GIGYF1: variants seen among roughly 807,000 people sequenced by gnomAD.
The protein encoded by GIGYF1 is GRB10 interacting GYF protein 1, also known as GRB10-interacting GYF protein 1.
GIGYF1 carries 84 observed loss-of-function variants against 147.1 expected under a neutral mutation model. The observed-to-expected ratio is 0.57, with a 90% CI of 0.48 to 0.68. The LOEUF (loss-of-function observed/expected upper bound fraction) is 0.68. Ranked by LOEUF, GIGYF1 falls within the 30% of genes least tolerant of loss-of-function variation. The pLI is 0.00. For synonymous variants in GIGYF1, 752 were observed against 589.5 expected (o/e 1.28, Z -3.99); for missense variants, 1,485 against 1,393.7 (o/e 1.07, Z -1.04).
rs1258565441 is a variant in GIGYF1, at chr7:100,683,911, C to A, written c.1876G>T (p.Asp626Tyr). Residue 626 changes from aspartate (D) to tyrosine (Y), a missense_variant, in exon 19 of 27, where the codon GAC becomes TAC. Transcript: ENST00000678049. Reference sequence around the variant, plus strand: ...CTCATCGTCGGGAGCAGGTTCTGGTCCCCGCCTCTGAGGAGCAAATTGTGG... The same window carrying A: ...CTCATCGTCGGGAGCAGGTTCTGGTACCCGCCTCTGAGGAGCAAATTGTGG... The part of the protein sequence containing the change: ...LQALKPPRGG[D>Y]QNLLPTMSRS... 1.9e-6 allele frequency: 3 copies of A among 1,555,090 alleles called. No homozygotes were observed. The highest frequency in any genetic ancestry group is 3.9e-5 in the Admixed American group (2 of 51,106).
In GIGYF1 at chr7:100,694,248, A is replaced by G. The variant is rs1806073038; in HGVS notation, c.-1237T>C. On this transcript the variant is annotated 5_prime_UTR_variant, in exon 1 of 27. Coordinates refer to ENST00000678049, the MANE Select transcript of GIGYF1 (RefSeq NM_001375765.1). ...GCCGCTCCTCTGTGTTTGTGTTTGTAGCAAGATGGCTGCCCGCCTCGCACC... is the reference window on the plus strand; with the variant it reads ...GCCGCTCCTCTGTGTTTGTGTTTGTGGCAAGATGGCTGCCCGCCTCGCACC... Among the ~76,000 whole-genome samples the G allele has an allele frequency of 6.9e-6, 1 of 145,112 alleles. No homozygotes were observed. Among genetic ancestry groups the G allele is most frequent in the Non-Finnish European group, 1.5e-5 (1 of 65,414 alleles).
chr7:100,683,898 A>G lies in GIGYF1; in HGVS notation c.1889T>C (p.Leu630Pro). 1 of 1,555,130 alleles carries G rather than the reference A, an allele frequency of 6.4e-7. No homozygotes were observed. The highest frequency in any genetic ancestry group is 8.7e-7 in the Non-Finnish European group (1 of 1,149,054). Reference protein sequence around the residue: ...KPPRGGDQNLLPTMSRSLSVP... With the variant: ...KPPRGGDQNLPPTMSRSLSVP... The stretch of plus-strand genomic sequence containing the variant: ...CGACAAGGACCGGCTCATCGTCGGG[A>G]GCAGGTTCTGGTCCCCGCCTCTGAG... The change falls in exon 19 of 27, where the codon CTC becomes CCC. Residue 630 changes from leucine (L) to proline (P), a missense_variant. Physicochemically the swap from Leu to Pro is moderately conservative, Grantham distance 98. Coordinates refer to ENST00000678049, the MANE Select transcript of GIGYF1 (RefSeq NM_001375765.1).
rs1226996555 is a variant in GIGYF1 at position 100,682,679 on chromosome 7, G to A, written c.2511C>T (p.Gly837=). ...GPDKSGGGSS[G]LGLWEDTPKS... The stretch of plus-strand genomic sequence containing the variant: ...TGGGGGTGTCCTCCCAGAGCCCCAG[G>A]CCGCTGCTGCCGCCCCCACTCTTGT... Residue 837 remains glycine (G), a synonymous_variant, in exon 23 of 27, where the codon GGC becomes GGT. Transcript: ENST00000678049. The A allele has an allele frequency of 6.2e-7, 1 of 1,600,390 alleles. No individual in the cohort carries two copies. Among genetic ancestry groups the A allele is most frequent in the East Asian group, 2.2e-5 (1 of 44,820 alleles).
chr7:100,685,878 T>C, intron 12 of GIGYF1, 96 bp downstream of exon 12: 1 of 973,334 alleles, frequency 1.0e-6, no homozygotes, highest in Non-Finnish European at 1.6e-6. Flanking sequence ...AGTAGCCTGA[T>C]TCTACAGGTA....
intron 1 of GIGYF1, among the ~76,000 whole-genome samples, chr7:100,689,916 G>A (rs1214314289): frequency 6.6e-6 from 1 of 152,128 alleles, no homozygotes; most frequent in East Asian, 1.9e-4. Flanking sequence ...TCTTTCATGA[G>A]GTCTCTAGAG....
intron 15 of GIGYF1, 37 bp from the exon 16 acceptor site, chr7:100,684,653 G>A (rs1562875489): frequency 6.2e-7 from 1 of 1,613,498 alleles, no homozygotes; most frequent in Non-Finnish European, 8.5e-7. Context: ...AACCACTGGG[G>A]TCACAGGGTA....
intron 13 of GIGYF1, 52 bp downstream of exon 13, chr7:100,685,292 T>C: frequency 1.9e-6 from 3 of 1,543,904 alleles, no homozygotes; most frequent in South Asian, 1.3e-5. Flanking sequence ...TGGGGAGCAC[T>C]TTCTCCCACA....
rs546701097 is a variant in GIGYF1, at chr7:100,687,401, C to T, written c.379G>A (p.Gly127Ser). 280 of 1,613,372 alleles carry T rather than the reference C, an allele frequency of 1.7e-4. 3 individuals are homozygous for T. The South Asian group carries it at 2.8e-3, about 16-fold the overall frequency. ...TGGTAAAAGCAGCTGTCACCACGGC[C>T]GCGGCCTAGAGAAGAGGCCAGACGC... The part of the protein sequence containing the change: ...GRGSTRSRGR[G>S]RGDSCFYQRS... The change falls in exon 8 of 27, where the codon GGC becomes AGC. Residue 127 changes from glycine (G) to serine (S), a missense_variant. Gly to Ser is a moderately conservative substitution (Grantham distance 56). Coordinates refer to ENST00000678049, the MANE Select transcript of GIGYF1 (RefSeq NM_001375765.1).
chr7:100,684,858 A>T lies in GIGYF1; in HGVS notation c.1327T>A (p.Ser443Thr). Residue 443 changes from serine to threonine, a missense_variant, in exon 15 of 27, where the codon TCC (serine) becomes ACC (threonine). Coordinates refer to ENST00000678049, the MANE Select transcript of GIGYF1 (RefSeq NM_001375765.1). ...EKLVASLQDS[S>T]LEEEQFTAAM... is the part of the protein sequence containing the mutation. ...GCCGTGAACTGCTCCTCCTCCAAGG[A>T]GCTGTCCTGCAGGGAGGCCACCAGC... is the stretch of plus-strand genomic sequence containing the variant. The T allele has an allele frequency of 2.5e-6, 4 of 1,605,204 alleles. No individual in the cohort carries two copies. The South Asian group carries it at 3.3e-5, about 13-fold the overall frequency.
chr7:100,689,866 G>C (rs377149582), intron 1 of GIGYF1, among the ~76,000 whole-genome samples: 23 of 152,302 alleles, frequency 1.5e-4, no homozygotes, highest in South Asian at 1.5e-3. Flanking sequence ...CACGCTAAGA[G>C]AAACACACCA....
In GIGYF1 at chr7:100,680,675, A is replaced by G. The variant is rs143270123; in HGVS notation, c.*1044T>C. The G allele has an allele frequency of 0.017, 2,643 of 152,746 alleles. 36 individuals are homozygous for G. The highest frequency in any genetic ancestry group is 0.03 in the Middle Eastern group (9 of 296). 9.5% of individuals were successfully genotyped at this position (152,746 alleles called of 1,614,324 possible). A position where few individuals can be genotyped will look rare whatever the true frequency, so the allele number is the denominator to read the frequency against. ...CCCTCTACTGCAACCCTAAGCCCAA[A>G]GCCACCCACTCCTTGCCTTTGAGGC... On this transcript the variant is annotated 3_prime_UTR_variant, in exon 27 of 27. Transcript: ENST00000678049.
rs143991912 is a variant in GIGYF1 at position 100,689,723 on chromosome 7, G to A, written c.-1098-168C>T. 4.4e-3 allele frequency among the ~76,000 whole-genome samples: 676 copies of A among 152,282 alleles called. 5 individuals are homozygous for A. The highest frequency in any genetic ancestry group is 7.8e-3 in the Non-Finnish European group (531 of 68,002). On this transcript the variant is annotated intron_variant, in intron 1 of 26. Transcript: ENST00000678049. ...CCAAGGCCAGGCTGGCCTCCCCTGG[G>A]ACCTCTCCTTCCTCTGCCTCGGCTG...
intron 8 of GIGYF1, 34 bp from the exon 9 acceptor site, chr7:100,687,080 T>C: frequency 6.2e-7 from 1 of 1,613,470 alleles, no homozygotes; most frequent in East Asian, 2.2e-5. Flanking sequence ...TCAGAAACAG[T>C]ACAGCCTCCC....
chr7:100,683,612 C>G lies in GIGYF1; in HGVS notation c.1990G>C (p.Asp664His). ...TGAGTCGAAGAGTTAATTGGTATGT[C>G]CCAAAGACTGGCCTCACCACCTGCA... ...SQSGGEASLW[D>H]IPINSSTQGP... The change falls in exon 20 of 27, where the codon GAC (aspartate) becomes CAC (histidine). Residue 664 changes from aspartate (D) to histidine (H), a missense_variant. Transcript: ENST00000678049. 1 of 1,614,196 alleles carries G rather than the reference C, an allele frequency of 6.2e-7. No homozygotes were observed. Among genetic ancestry groups the G allele is most frequent in the Non-Finnish European group, 8.5e-7 (1 of 1,180,016 alleles).
In GIGYF1 at chr7:100,687,676, C is replaced by T. The variant is rs966788608; in HGVS notation, c.262-60G>A. 3.5e-6 allele frequency: 5 copies of T among 1,420,410 alleles called. No individual in the cohort carries two copies. In the African/African-American group the frequency reaches 4.3e-5, roughly 12 times the overall value. The allele number at this position is 1,420,410 out of a possible 1,614,324, so 88.0% of individuals were successfully genotyped here. A position where few individuals can be genotyped will look rare whatever the true frequency, so the allele number is the denominator to read the frequency against. On this transcript the variant is annotated intron_variant, in intron 6 of 26. Transcript: ENST00000678049. The stretch of plus-strand genomic sequence containing the variant: ...AGGCACCCAACCACCTCCACCCCCA[C>T]CCCACAGCACCCTCCCCGCCTGTCT...
chr7:100,682,891 T>G (rs1201873309), intron 22 of GIGYF1, 114 bp from the exon 23 acceptor site: 1 of 1,284,858 alleles, frequency 7.8e-7, no homozygotes, highest in Non-Finnish European at 1.0e-6. Context: ...ACAAGAGCTG[T>G]TGCCATCACA....
intron 1 of GIGYF1, among the ~76,000 whole-genome samples, chr7:100,692,103 C>A (rs575754896): frequency 6.6e-6 from 1 of 152,354 alleles, no homozygotes; most frequent in African/African-American, 2.4e-5. Flanking sequence ...CTGGAACAAC[C>A]GCCCAGCCCC....
At chr7:100,693,284 C>A (rs977361737) in intron 1 of GIGYF1, among the ~76,000 whole-genome samples, 1 of 108,632 alleles carries the variant, frequency 9.2e-6, no homozygotes, top group Non-Finnish European at 1.9e-5. Context: ...AAAAGTTACT[C>A]GGAAATTTTT....
chr7:100,684,920 G>A, intron 14 of GIGYF1, 26 bp from the exon 15 acceptor site: 1 of 1,604,770 alleles, frequency 6.2e-7, no homozygotes, highest in Non-Finnish European at 8.5e-7. Flanking sequence ...AAGAAGAAAG[G>A]CTCAGCTGCC....
Sources: allele counts gnomAD v4.1 joint callset (sites outside exome capture counted in the v4.1 genomes callset), GRCh38; gene constraint gnomAD v4.1.1; transcripts MANE v1.5; gene names NCBI Gene and HGNC (gene_info 2026-07-23, HGNC 2026-07-21).